The following NME7 variants were observed in gnomAD, a reference collection of about 807,000 sequenced individuals.
NME7 encodes nucleoside diphosphate kinase 7.
A neutral mutation model predicts 49.1 loss-of-function variants in NME7; 41 were observed. The ratio of observed to expected loss-of-function variants is 0.83; its 90% CI spans 0.65 to 1.08. The LOEUF is 1.08. Ranked by LOEUF, NME7 falls within the 50% of genes least tolerant of loss-of-function variation. The probability of loss-of-function intolerance (pLI) is 0.00; values close to 1 mark genes in which losing one functional copy is unlikely to be tolerated. For missense variants in NME7, 423 were observed against 463.4 expected (o/e 0.91, Z 0.80); for synonymous variants, 139 against 150.6 (o/e 0.92, Z 0.56).
chr1:169,309,914 A>G, intron 4 of NME7, 56 bp downstream of exon 4: 1 of 1,017,974 alleles, frequency 9.8e-7, no homozygotes, highest in Non-Finnish European at 1.5e-6. Flanking sequence ...AAGACAGAAA[A>G]TGATTTTTTA....
At chr1:169,359,774 A>G (rs946382268) in intron 1 of NME7, among the ~76,000 whole-genome samples, 2 of 152,094 alleles carry the variant, frequency 1.3e-5, no homozygotes, top group South Asian at 2.1e-4. Context: ...TAGAGCCATT[A>G]TGTGTGCATA....
intron 11 of NME7, among the ~76,000 whole-genome samples, chr1:169,145,124 G>A (rs546357893): frequency 4.6e-5 from 7 of 152,284 alleles, no homozygotes; most frequent in Admixed American, 4.6e-4. Context: ...TAACAAACAA[G>A]TTAATGGGTA....
chr1:169,334,164 C>T (rs1385307303), intron 1 of NME7, among the ~76,000 whole-genome samples: 1 of 151,222 alleles, frequency 6.6e-6, no homozygotes, highest in South Asian at 2.1e-4. Context: ...ACTAGTCAAT[C>T]TATTTCAAGC....
intron 7 of NME7, chr1:169,284,670 C>T (rs1650196574): frequency 6.6e-6 from 1 of 152,072 alleles, no homozygotes; most frequent in Admixed American, 6.6e-5. Flanking sequence ...TGCCTATGTC[C>T]TGAATGCTAT....
intron 10 of NME7, among the ~76,000 whole-genome samples, chr1:169,215,633 C>G (rs1660954771): frequency 6.6e-6 from 1 of 151,850 alleles, no homozygotes; most frequent in Admixed American, 6.6e-5. Context: ...AGCTTAGCAT[C>G]TTATTTGAGC....
chr1:169,208,190 T>A (rs1362644027), intron 10 of NME7, among the ~76,000 whole-genome samples: 3 of 152,196 alleles, frequency 2.0e-5, no homozygotes, highest in Non-Finnish European at 4.4e-5. Context: ...TGTCTATTAT[T>A]GCAATTATAA....
At chr1:169,340,086 G>A (rs895485269) in intron 1 of NME7, among the ~76,000 whole-genome samples, 8 of 152,122 alleles carry the variant, frequency 5.3e-5, no homozygotes, top group African/African-American at 1.4e-4. Flanking sequence ...AGTCCCTTCA[G>A]TAAACTCTTC....
At chr1:169,331,275 T>C in intron 1 of NME7, among the ~76,000 whole-genome samples, 1 of 152,166 alleles carries the variant, frequency 6.6e-6, no homozygotes, top group East Asian at 1.9e-4. Flanking sequence ...ACCTTCATGA[T>C]GAAAACTCTC....
intron 4 of NME7, among the ~76,000 whole-genome samples, chr1:169,308,260 C>T (rs770980243): frequency 5.3e-5 from 8 of 152,050 alleles, no homozygotes; most frequent in Non-Finnish European, 1.0e-4. Context: ...TAAAGTTTCT[C>T]GGAATCAGAT....
chr1:169,315,231 G>A (rs188480587), intron 3 of NME7, among the ~76,000 whole-genome samples: 6 of 151,040 alleles, frequency 4.0e-5, no homozygotes, highest in Non-Finnish European at 8.9e-5. Flanking sequence ...AACAACTGCA[G>A]ACTAAACATT....
At chr1:169,355,132 G>T (rs1420522746) in intron 1 of NME7, among the ~76,000 whole-genome samples, 10 of 31,692 alleles carry the variant, frequency 3.2e-4, no homozygotes, top group Admixed American at 3.0e-3. Flanking sequence ...ATATATTATA[G>T]ATATAATATA....
intron 8 of NME7, among the ~76,000 whole-genome samples, chr1:169,235,682 GA>G (rs1243781874): frequency 6.6e-6 from 1 of 152,062 alleles, no homozygotes; most frequent in African/African-American, 2.4e-5. Context: ...TATTACTAAA[GA>G]AAAGTAGTTC....
At chr1:169,212,695 G>A (rs1351351685) in intron 10 of NME7, among the ~76,000 whole-genome samples, 1 of 150,232 alleles carries the variant, frequency 6.7e-6, no homozygotes, top group African/African-American at 2.4e-5. Flanking sequence ...TTTAAGTCCT[G>A]GGCTCAAGTG....
At chr1:169,263,178 C>A (rs1284972638) in intron 7 of NME7, among the ~76,000 whole-genome samples, 1 of 134,022 alleles carries the variant, frequency 7.5e-6, no homozygotes, top group East Asian at 2.0e-4. Flanking sequence ...AGAACTCTTA[C>A]AATGGAAAAA....
chr1:169,299,546 A>C (rs1364978013), intron 5 of NME7, among the ~76,000 whole-genome samples: 1 of 152,132 alleles, frequency 6.6e-6, no homozygotes, highest in Non-Finnish European at 1.5e-5. Context: ...TTTTAGAGTA[A>C]GCCCATGGTT....
In NME7 at chr1:169,258,394, A is replaced by G. The variant is rs1395781363; in HGVS notation, c.755-20707T>C. Among the ~76,000 whole-genome samples the G allele has an allele frequency of 7.1e-4, 62 of 87,458 alleles. 3 individuals carry two copies. In the East Asian group the frequency reaches 0.033, roughly 46 times the overall value. The allele number at this position is 87,458 out of a possible 152,430, so 57.4% of individuals were successfully genotyped here. A position where few individuals can be genotyped will look rare whatever the true frequency, so the allele number is the denominator to read the frequency against. ...ATAAAACATATATATATATATATAT[A>G]TATATATATATACACACACACACAC... On this transcript the variant is annotated intron_variant, in intron 7 of 11. Transcript: ENST00000367811.
intron 7 of NME7, 45 bp from the exon 8 acceptor site, chr1:169,237,732 CA>C (rs1647919755): frequency 6.6e-7 from 1 of 1,510,502 alleles, no homozygotes; most frequent in Non-Finnish European, 9.1e-7. Flanking sequence ...AATTTTAAGA[CA>C]TTTTAGTTTC....
rs1334819460 is a variant in NME7 at position 169,276,576 on chromosome 1, C to G, written c.754+10727G>C. Among the ~76,000 whole-genome samples, 2 of 132,238 alleles carry G rather than the reference C, an allele frequency of 1.5e-5. 1 individual carries two copies. Among genetic ancestry groups the G allele is most frequent in the Non-Finnish European group, 3.5e-5 (2 of 56,616 alleles). 86.8% of individuals were successfully genotyped at this position (132,238 alleles called of 152,430 possible). ...TATTGCGTCTATTAGATTCTTCTCT[C>G]TTTTTTTCTTTATTAGTCTTGCTAG... is the stretch of plus-strand genomic sequence containing the variant. On this transcript the variant is annotated intron_variant, in intron 7 of 11. Coordinates refer to ENST00000367811, the MANE Select transcript of NME7 (RefSeq NM_013330.5).
In NME7 at chr1:169,260,884, G is replaced by A. The variant is rs1024445061; in HGVS notation, c.755-23197C>T. Among the ~76,000 whole-genome samples the A allele has an allele frequency of 1.4e-4, 18 of 133,148 alleles. 1 individual carries two copies. Among genetic ancestry groups the A allele is most frequent in the African/African-American group, 4.6e-4 (18 of 39,156 alleles). The allele number at this position is 133,148 out of a possible 152,430, so 87.4% of individuals were successfully genotyped here. On this transcript the variant is annotated intron_variant, in intron 7 of 11. Coordinates refer to ENST00000367811, the MANE Select transcript of NME7 (RefSeq NM_013330.5). The stretch of plus-strand genomic sequence containing the variant: ...CTAACAGACAAGTGAATGAAAAACA[G>A]GCAAGAGGAGTGGCACTGTCATCAA...
Sources: gnomAD v4.1 joint callset for allele counts (sites outside exome capture counted in the v4.1 genomes callset) on GRCh38, gnomAD v4.1.1 for gene constraint, MANE v1.5 for transcripts, NCBI Gene and HGNC (gene_info 2026-07-23, HGNC 2026-07-21) for gene names.